The following LRRN1 variants were observed in gnomAD, a reference collection of about 807,000 sequenced individuals.
LRRN1 encodes the protein leucine-rich repeat neuronal protein 1.
In LRRN1, 14 loss-of-function variants were observed where a neutral mutation model predicts 45.8. That is an observed-to-expected ratio of 0.31 (90% CI 0.20 to 0.48). The LOEUF is 0.48. LRRN1 is among the 20% of genes least tolerant of loss of function. The probability of loss-of-function intolerance (pLI) is 0.99; values close to 1 mark genes in which losing one functional copy is unlikely to be tolerated. For missense variants in LRRN1, 789 were observed against 874.2 expected, an observed-to-expected ratio of 0.90 and a Z score of 1.23; for synonymous variants, 359 against 330.1, an observed-to-expected ratio of 1.09 and a Z score of -0.95.
intron 1 of LRRN1, among the ~76,000 whole-genome samples, chr3:3,843,734 ATTAAATTAACTT>A (rs1693695974): frequency 6.6e-6 from 1 of 152,220 alleles, no homozygotes; most frequent in Non-Finnish European, 1.5e-5. Context: ...GTTGTAGGAT[ATTAAATTAACTT>A]TTTGCATAGG....
chr3:3,834,536 ATATAT>A (rs1693455460), intron 1 of LRRN1, among the ~76,000 whole-genome samples: 1 of 109,132 alleles, frequency 9.2e-6, no homozygotes, highest in South Asian at 2.7e-4. Context: ...ATATATATAT[ATATAT>A]ATATATATAT....
At chr3:3,820,907 T>C (rs1422890736) in intron 1 of LRRN1, among the ~76,000 whole-genome samples, 1 of 152,188 alleles carries the variant, frequency 6.6e-6, no homozygotes, top group Non-Finnish European at 1.5e-5. Context: ...AGCAAAGCCA[T>C]GGCTACCTCT....
At chr3:3,800,353 A>G (rs1692620240) in intron 1 of LRRN1, among the ~76,000 whole-genome samples, 1 of 152,028 alleles carries the variant, frequency 6.6e-6, no homozygotes, top group South Asian at 2.1e-4. Flanking sequence ...AAGGGGGCCC[A>G]GGGAGCTGGA....
Position 3,846,291 on chromosome 3 carries a change from G to C in LRRN1, c.1650G>C (p.Met550Ile). 6.2e-7 allele frequency: 1 copy of C among 1,614,028 alleles called. No homozygotes were observed. Among genetic ancestry groups the C allele is most frequent in the Non-Finnish European group, 8.5e-7 (1 of 1,180,010 alleles). Reference protein sequence around the residue: ...LVSWKVNSNVMTSNLKWSSAT... With the variant: ...LVSWKVNSNVITSNLKWSSAT... ...CCTGGAAAGTTAATTCCAATGTCAT[G>C]ACGTCAAACTTAAAATGGTCGTCTG... Residue 550 changes from methionine (M) to isoleucine (I), a missense_variant, in exon 2 of 2, where the codon ATG becomes ATC. By Grantham distance (10) the Met-to-Ile change is conservative (BLOSUM62 1). Transcript: ENST00000319331. This position sits in a 1 kb window ranked among gnomAD's most constrained non-coding sequence, Gnocchi z 5.7.
intron 1 of LRRN1, chr3:3,804,274 T>C (rs182804075): frequency 6.6e-6 from 1 of 152,026 alleles, no homozygotes; most frequent in East Asian, 1.9e-4. Flanking sequence ...CATAATCGAG[T>C]TGGGAGAATA....
At chr3:3,841,441 G>A (rs1440388236) in intron 1 of LRRN1, among the ~76,000 whole-genome samples, 1 of 152,134 alleles carries the variant, frequency 6.6e-6, no homozygotes, top group African/African-American at 2.4e-5. Context: ...CCTGTTTCAA[G>A]ATTACTCTAA....
chr3:3,844,653 G>C lies in LRRN1; in HGVS notation c.12G>C (p.Met4Ile), dbSNP rs765699323. Reference sequence around the variant, plus strand: ...CTCAGCAAGCCAGCATGGCTAGGATGAGCTTTGTTATAGCAGCTTGCCAAT... The same window carrying C: ...CTCAGCAAGCCAGCATGGCTAGGATCAGCTTTGTTATAGCAGCTTGCCAAT... MAR[M>I]SFVIAACQLV... The change falls in exon 2 of 2, where the codon ATG becomes ATC. Residue 4 changes from methionine (M) to isoleucine (I), a missense_variant. Met to Ile is a conservative substitution (Grantham distance 10, BLOSUM62 1). Coordinates refer to ENST00000319331, the MANE Select transcript of LRRN1 (RefSeq NM_020873.7). The C allele has an allele frequency of 4.3e-6, 7 of 1,610,188 alleles. No homozygotes were observed. The South Asian group carries it at 7.7e-5, about 18-fold the overall frequency.
chr3:3,836,706 G>T (rs1303126349), intron 1 of LRRN1, among the ~76,000 whole-genome samples: 1 of 152,118 alleles, frequency 6.6e-6, no homozygotes, highest in Non-Finnish European at 1.5e-5. Context: ...ATGCTTACAG[G>T]TTTAAACTCC....
chr3:3,819,824 C>T (rs1693066308), intron 1 of LRRN1, among the ~76,000 whole-genome samples: 1 of 152,194 alleles, frequency 6.6e-6, no homozygotes, highest in Non-Finnish European at 1.5e-5. Flanking sequence ...TCATGGGATA[C>T]ACTGATGGTA....
In LRRN1 at chr3:3,845,289, T is replaced by G. The variant is rs575762736; in HGVS notation, c.648T>G (p.Asn216Lys). 4.5e-5 allele frequency: 72 copies of G among 1,614,084 alleles called. No homozygotes were observed. The South Asian group carries it at 7.5e-4, about 17-fold the overall frequency. ...ATATGAACTTCAAACCCCTCGCAAA[T>G]TTGAGAAGCTTAGTTTTGGCAGGAA... Reference protein sequence around the residue: ...ILDMNFKPLANLRSLVLAGMY... With the variant: ...ILDMNFKPLAKLRSLVLAGMY... The change falls in exon 2 of 2, where the codon AAT becomes AAG. Residue 216 changes from asparagine to lysine, a missense_variant. Asn to Lys is a moderately conservative substitution (Grantham distance 94). Transcript: ENST00000319331. The surrounding 1 kb of genome is among the most constrained non-coding windows in gnomAD (Gnocchi z 6.5).
chr3:3,828,833 G>C (rs1693293984), intron 1 of LRRN1, among the ~76,000 whole-genome samples: 1 of 152,154 alleles, frequency 6.6e-6, no homozygotes, highest in African/African-American at 2.4e-5. Flanking sequence ...TAACAAGGAG[G>C]AAATACTCAT....
At chr3:3,814,590 T>G (rs553177232) in intron 1 of LRRN1, among the ~76,000 whole-genome samples, 1 of 152,180 alleles carries the variant, frequency 6.6e-6, no homozygotes, top group Non-Finnish European at 1.5e-5. Flanking sequence ...TATTAAGAAG[T>G]GGGGCCTTTT....
chr3:3,828,132 TTATA>T (rs3043963), intron 1 of LRRN1, among the ~76,000 whole-genome samples: 78,084 of 145,136 alleles, frequency 0.54, 22,764 homozygotes, highest in Non-Finnish European at 0.67. Context: ...AGGGACAGAA[TTATA>T]TATATATATA....
chr3:3,805,003 A>T (rs1406783905), intron 1 of LRRN1, among the ~76,000 whole-genome samples: 1 of 152,244 alleles, frequency 6.6e-6, no homozygotes, highest in Non-Finnish European at 1.5e-5. Context: ...AGGCATTTCC[A>T]GCAATGCCTA....
chr3:3,838,025 G>A (rs1416402072), intron 1 of LRRN1, among the ~76,000 whole-genome samples: 1 of 152,046 alleles, frequency 6.6e-6, no homozygotes, highest in Non-Finnish European at 1.5e-5. Flanking sequence ...TGAGGATAAT[G>A]GCTGCCAGCT....
intron 1 of LRRN1, among the ~76,000 whole-genome samples, chr3:3,826,984 T>C (rs1693230150): frequency 6.6e-6 from 1 of 152,050 alleles, no homozygotes; most frequent in Admixed American, 6.6e-5. Flanking sequence ...CAAAAGGCAT[T>C]CTCTACTGAT....
chr3:3,813,872 C>T (rs1170437625), intron 1 of LRRN1, among the ~76,000 whole-genome samples: 4 of 152,076 alleles, frequency 2.6e-5, no homozygotes, highest in African/African-American at 9.7e-5. Flanking sequence ...TTTTCCCACC[C>T]TCTTCTAATC....
chr3:3,844,376 A>G lies in LRRN1; in HGVS notation c.-266A>G, dbSNP rs1031478329. ...ATCTAATTTTCAGGCACATCTCCAGACTTCAATTTGGCTGAAATAATTCAT... is the reference window on the plus strand; with the variant it reads ...ATCTAATTTTCAGGCACATCTCCAGGCTTCAATTTGGCTGAAATAATTCAT... On this transcript the variant is annotated 5_prime_UTR_variant, in exon 2 of 2. Coordinates refer to ENST00000319331, the MANE Select transcript of LRRN1 (RefSeq NM_020873.7). The G allele has an allele frequency of 1.8e-5, 7 of 393,438 alleles. 1 individual carries two copies. The highest frequency in any genetic ancestry group is 1.3e-3 in the Middle Eastern group (2 of 1,566). The allele number at this position is 393,438 out of a possible 1,614,324, so 24.4% of individuals were successfully genotyped here. A position where few individuals can be genotyped will look rare whatever the true frequency, so the allele number is the denominator to read the frequency against.
intron 1 of LRRN1, among the ~76,000 whole-genome samples, chr3:3,841,181 C>G (rs1693644310): frequency 6.6e-6 from 1 of 151,316 alleles, no homozygotes; most frequent in Non-Finnish European, 1.5e-5. Context: ...GTCCCAGCTA[C>G]TCACAAGGCT....
Sources: allele counts gnomAD v4.1 joint callset (sites outside exome capture counted in the v4.1 genomes callset), GRCh38; gene constraint gnomAD v4.1.1; non-coding constraint Gnocchi (gnomAD v3.1); transcripts MANE v1.5; gene names NCBI Gene and HGNC (gene_info 2026-07-23, HGNC 2026-07-21).